The following CDH2 variants were observed in gnomAD, a reference collection of about 807,000 sequenced individuals.
CDH2 encodes cadherin-2.
Under a neutral mutation model 92.0 loss-of-function variants are expected in CDH2, and 17 were observed. That is an observed-to-expected ratio of 0.18 (90% CI 0.13 to 0.28). The LOEUF is 0.28. Among genes scored for constraint, CDH2 ranks in the 10% least tolerant of loss-of-function variants. The probability of loss-of-function intolerance (pLI) is 1.00; values close to 1 mark genes in which losing one functional copy is unlikely to be tolerated. For synonymous variants in CDH2, 419 were observed against 415.9 expected (o/e 1.01, Z -0.09); for missense variants, 862 against 1,133.1 (o/e 0.76, Z 3.44).
At chr18:28,073,188 C>T (rs2014653717) in intron 2 of CDH2, among the ~76,000 whole-genome samples, 1 of 152,040 alleles carries the variant, frequency 6.6e-6, no homozygotes, top group Admixed American at 6.6e-5. Flanking sequence ...TTCCAAATAG[C>T]CCTATTAGTA....
chr18:28,035,770 T>C (rs2013810486), intron 2 of CDH2, among the ~76,000 whole-genome samples: 1 of 152,092 alleles, frequency 6.6e-6, no homozygotes, highest in South Asian at 2.1e-4. Context: ...TGAGAGTCTC[T>C]TGTCTTTGTC....
intron 2 of CDH2, among the ~76,000 whole-genome samples, chr18:28,114,792 C>A (rs1737929753): frequency 6.6e-6 from 1 of 151,788 alleles, no homozygotes; most frequent in African/African-American, 2.4e-5. Context: ...TATGCCATGA[C>A]CTTAGGCACA....
chr18:27,957,309 C>T (rs1205807047), intron 15 of CDH2, among the ~76,000 whole-genome samples: 1 of 152,008 alleles, frequency 6.6e-6, no homozygotes, highest in Non-Finnish European at 1.5e-5. Context: ...AGTGCAGTGG[C>T]ACAATCATGG....
intron 2 of CDH2, among the ~76,000 whole-genome samples, chr18:28,140,969 T>C (rs1271179218): frequency 6.6e-6 from 1 of 150,526 alleles, no homozygotes; most frequent in Non-Finnish European, 1.5e-5. Flanking sequence ...CAAACCACAA[T>C]GAGGTACCAT....
At chr18:28,065,111 C>T (rs912961130) in intron 2 of CDH2, among the ~76,000 whole-genome samples, 6 of 152,168 alleles carry the variant, frequency 3.9e-5, no homozygotes, top group Non-Finnish European at 8.8e-5. Flanking sequence ...TCTAGATTCA[C>T]AGTAACTATC....
At chr18:27,976,133 T>G (rs2143927401) in intron 14 of CDH2, among the ~76,000 whole-genome samples, 1 of 152,252 alleles carries the variant, frequency 6.6e-6, no homozygotes, top group South Asian at 2.1e-4. Flanking sequence ...AAGTACTCAC[T>G]TTGGGCCATA....
At chr18:27,973,816 A>G (rs1166920536) in intron 14 of CDH2, among the ~76,000 whole-genome samples, 1 of 152,098 alleles carries the variant, frequency 6.6e-6, no homozygotes, top group Non-Finnish European at 1.5e-5. Flanking sequence ...ATCATCCTCC[A>G]TGCCCTGTTG....
chr18:27,960,703 T>C (rs571380766), intron 15 of CDH2, among the ~76,000 whole-genome samples: 1 of 152,250 alleles, frequency 6.6e-6, no homozygotes, highest in Non-Finnish European at 1.5e-5. Flanking sequence ...ATTTGCTGAA[T>C]GGATGATCTT....
chr18:27,985,365 A>G, intron 12 of CDH2, 132 bp from the exon 13 acceptor site: 1 of 776,222 alleles, frequency 1.3e-6, no homozygotes, highest in Non-Finnish European at 2.0e-6. Context: ...TGCATTCTAA[A>G]TACTTTTTTG....
chr18:28,123,832 C>G (rs1335150751), intron 2 of CDH2, among the ~76,000 whole-genome samples: 1 of 152,124 alleles, frequency 6.6e-6, no homozygotes, highest in Non-Finnish European at 1.5e-5. Flanking sequence ...GAAGGAAGAA[C>G]TGAAAGCACT....
At chr18:27,987,748 C>T (rs1460453625) in intron 11 of CDH2, among the ~76,000 whole-genome samples, 1 of 152,144 alleles carries the variant, frequency 6.6e-6, no homozygotes, top group African/African-American at 2.4e-5. Flanking sequence ...AGTTAAAACA[C>T]TGAGTTAGGT....
At chr18:27,984,880 G>A in intron 13 of CDH2, 120 bp downstream of exon 13, 1 of 708,994 alleles carries the variant, frequency 1.4e-6, no homozygotes, top group Non-Finnish European at 2.4e-6. Context: ...GATTGGCGAG[G>A]AAATGCTGAA....
chr18:28,154,528 C>G (rs1047546240), intron 1 of CDH2, among the ~76,000 whole-genome samples: 3 of 152,230 alleles, frequency 2.0e-5, no homozygotes, highest in African/African-American at 7.2e-5. Flanking sequence ...TTGAGGAGTT[C>G]TGCTTGCCTG....
chr18:27,970,022 T>A (rs1308245461), intron 14 of CDH2, among the ~76,000 whole-genome samples: 1 of 151,324 alleles, frequency 6.6e-6, no homozygotes, highest in East Asian at 1.9e-4. Context: ...AATAAAAAAA[T>A]TAAAATAATG....
intron 2 of CDH2, among the ~76,000 whole-genome samples, chr18:28,138,407 G>A (rs989590619): frequency 6.6e-6 from 1 of 152,062 alleles, no homozygotes; most frequent in Non-Finnish European, 1.5e-5. Context: ...GGCTGTACTA[G>A]AAGTCCCGCA....
chr18:28,153,743 G>A (rs193097470), intron 1 of CDH2, among the ~76,000 whole-genome samples: 1 of 152,304 alleles, frequency 6.6e-6, no homozygotes, highest in East Asian at 1.9e-4. Flanking sequence ...GCAGATGAGA[G>A]GATTAAATGA....
chr18:28,091,573 TTTTTTAGAGTA>T (rs1475945113), intron 2 of CDH2, among the ~76,000 whole-genome samples: 2 of 152,232 alleles, frequency 1.3e-5, no homozygotes, highest in African/African-American at 2.4e-5. Flanking sequence ...ACTCAAATTA[TTTTTTAGAGTA>T]TACGTTTCCT....
At chr18:27,944,771 A>AG (rs1031554714) in intron 6 of CDH2, among the ~76,000 whole-genome samples, 17 of 150,258 alleles carry the variant, frequency 1.1e-4, no homozygotes, top group African/African-American at 4.2e-4. Flanking sequence ...AAAAAAAAAA[A>AG]AAAAAGGCCA....
chr18:28,090,432 T>C (rs2015015851), intron 2 of CDH2, among the ~76,000 whole-genome samples: 1 of 152,116 alleles, frequency 6.6e-6, no homozygotes, highest in Admixed American at 6.6e-5. Flanking sequence ...GCAGCACAAA[T>C]GAGGGCCAGA....
Sources: allele counts gnomAD v4.1 joint callset (sites outside exome capture counted in the v4.1 genomes callset), GRCh38; gene constraint gnomAD v4.1.1; transcripts MANE v1.5; gene names NCBI Gene and HGNC (gene_info 2026-07-23, HGNC 2026-07-21).